HDDC3: variants seen among roughly 807,000 people sequenced by gnomAD.
The protein encoded by HDDC3 is HD domain containing 3, also known as guanosine-3',5'-bis(diphosphate) 3'-pyrophosphohydrolase MESH1.
A neutral mutation model predicts 19.1 loss-of-function variants in HDDC3; 18 were observed. The observed-to-expected ratio is 0.94, with a 90% CI of 0.65 to 1.40. The LOEUF (loss-of-function observed/expected upper bound fraction) is 1.40. Ranked by LOEUF, HDDC3 falls within the 40% of genes most tolerant of loss-of-function variation. The pLI, the probability that HDDC3 is intolerant of heterozygous loss-of-function variation, is 0.00. For missense variants in HDDC3, 250 were observed against 228.9 expected, an observed-to-expected ratio of 1.09 and a Z score of -0.59; for synonymous variants, 107 against 99.4, an observed-to-expected ratio of 1.08 and a Z score of -0.46.
Position 90,931,021 on chromosome 15 carries a change from T to C in HDDC3, c.*254A>G, listed in dbSNP as rs917209688. The C allele has an allele frequency of 8.5e-6, 4 of 468,372 alleles. No individual in the cohort carries two copies. The highest frequency in any genetic ancestry group is 3.5e-5 in the Admixed American group (1 of 28,400). The allele number at this position is 468,372 out of a possible 1,614,324, so 29.0% of individuals were successfully genotyped here. On this transcript the variant is annotated 3_prime_UTR_variant, in exon 4 of 4. Coordinates refer to ENST00000394272, the MANE Select transcript of HDDC3 (RefSeq NM_001286451.2). Reference sequence around the variant, plus strand: ...GGGCCAGAGATCCCACCATGCAAAATAGCAAACAGACCCAAGACTTGGGGA... The same window carrying C: ...GGGCCAGAGATCCCACCATGCAAAACAGCAAACAGACCCAAGACTTGGGGA...
At position 90,932,523 on chromosome 15, in the gene HDDC3, C is replaced by A. The variant is rs953707138; in HGVS notation, c.18G>T (p.Ala6=). The change falls in exon 1 of 4, where the codon GCG becomes GCT. Residue 6 remains alanine (A), a synonymous_variant. Coordinates refer to ENST00000394272, the MANE Select transcript of HDDC3 (RefSeq NM_001286451.2). MGSEA[A]QLLEAADFAA... The stretch of plus-strand genomic sequence containing the variant: ...CGAAGTCGGCAGCCTCCAGCAGCTG[C>A]GCCGCCTCAGAGCCCATCGCGCGGA... 1.0e-5 allele frequency: 13 copies of A among 1,292,454 alleles called. No homozygotes were observed. The African/African-American group carries it at 2.0e-4, about 20-fold the overall frequency. 80.1% of individuals were successfully genotyped at this position (1,292,454 alleles called of 1,614,324 possible). A position where few individuals can be genotyped will look rare whatever the true frequency, so the allele number is the denominator to read the frequency against.
At chr15:90,931,457 C>A in intron 3 of HDDC3, 52 bp from the exon 4 acceptor site, 4 of 1,613,748 alleles carry the variant, frequency 2.5e-6, no homozygotes, top group Non-Finnish European at 3.4e-6. Flanking sequence ...GAAAGCACTG[C>A]CTTTTCCCCA....
In HDDC3 at chr15:90,930,104, T is replaced by A. The variant is rs1185008104; in HGVS notation, c.*1171A>T. The A allele has an allele frequency of 1.3e-5, 2 of 151,358 alleles. No homozygotes were observed. Among genetic ancestry groups the A allele is most frequent in the Non-Finnish European group, 2.9e-5 (2 of 67,822 alleles). 9.4% of individuals were successfully genotyped at this position (151,358 alleles called of 1,614,324 possible). The stretch of plus-strand genomic sequence containing the variant: ...GGCCACCGAGCAAAGTTCCACCGCC[T>A]CCCCTACGCCGACCGCCGGGCTCCC... On this transcript the variant is annotated 3_prime_UTR_variant, in exon 4 of 4. Transcript: ENST00000394272.
In HDDC3 at chr15:90,932,460, G is replaced by T. The variant is rs2035836526; in HGVS notation, c.81C>A (p.Pro27=). ...GGTGGTTGATGTAGGGGGTCCCCTC[G>T]GGGTCCTTCCGCCGCTGCTGCCGGT... ...RKHRQQRRKD[P]EGTPYINHPI... Residue 27 remains proline, a synonymous_variant, in exon 1 of 4, where the codon CCC becomes CCA. Transcript: ENST00000394272. The T allele has an allele frequency of 7.5e-7, 1 of 1,334,734 alleles. No individual in the cohort carries two copies. Among genetic ancestry groups the T allele is most frequent in the East Asian group, 2.9e-5 (1 of 34,358 alleles). The allele number at this position is 1,334,734 out of a possible 1,614,324, so 82.7% of individuals were successfully genotyped here. A position where few individuals can be genotyped will look rare whatever the true frequency, so the allele number is the denominator to read the frequency against.
In HDDC3 at chr15:90,932,430, G is replaced by A; in HGVS notation, c.111C>T (p.Ile37=). Residue 37 remains isoleucine (I), a splice_region_variant and synonymous_variant, in exon 1 of 4, where the codon ATC becomes ATT. Transcript: ENST00000394272. ...GCGCTCCGCGGCCGACGCGCCCACC[G>A]ATGGGGTGGTTGATGTAGGGGGTCC... ...PEGTPYINHP[I]GVARILTHEA... The A allele has an allele frequency of 5.2e-6, 7 of 1,355,706 alleles. No individual in the cohort carries two copies. The highest frequency in any genetic ancestry group is 6.6e-6 in the Non-Finnish European group (7 of 1,054,952). 84.0% of individuals were successfully genotyped at this position (1,355,706 alleles called of 1,614,324 possible).
Position 90,931,927 on chromosome 15 carries a change from G to C in HDDC3, c.186C>G (p.Asp62Glu), listed in dbSNP as rs758657403. 1.9e-6 allele frequency: 3 copies of C among 1,613,942 alleles called. No individual in the cohort carries two copies. Among genetic ancestry groups the C allele is most frequent in the Non-Finnish European group, 2.5e-6 (3 of 1,180,016 alleles). ...IVVLQAALLH[D>E]TVEDTDTTLD... ...GGGTGGTGTCTGTGTCCTCCACCGT[G>C]TCATGGAGCAGGGCCGCCTGGGGAC... Residue 62 changes from aspartate (D) to glutamate (E), a missense_variant, in exon 3 of 4, where the codon GAC becomes GAG. By Grantham distance (45) the Asp-to-Glu change is conservative. Transcript: ENST00000394272.
intron 3 of HDDC3, 35 bp downstream of exon 3, chr15:90,931,669 C>T (rs1422341022): frequency 6.2e-7 from 1 of 1,613,856 alleles, no homozygotes; most frequent in African/African-American, 1.3e-5. Flanking sequence ...CGGCATCCCC[C>T]TCCCTTTTCC....
At chr15:90,932,251 G>T in intron 1 of HDDC3, 141 bp from the exon 2 acceptor site, 2 of 952,544 alleles carry the variant, frequency 2.1e-6, no homozygotes, top group Non-Finnish European at 3.1e-6. Flanking sequence ...CCCTCTGGGA[G>T]CCAACCGACA....
chr15:90,931,316 C>T lies in HDDC3; in HGVS notation c.499G>A (p.Ala167Thr). 1 of 1,551,242 alleles carries T rather than the reference C, an allele frequency of 6.4e-7. No homozygotes were observed. The highest frequency in any genetic ancestry group is 8.7e-7 in the Non-Finnish European group (1 of 1,147,060). ...LQGTNRQLEEALKHLFKQRGL... is the reference protein window; with the variant it reads ...LQGTNRQLEETLKHLFKQRGL... ...CGCTGCTTGAACAGATGCTTTAGAG[C>T]CTCTTCCAGTTGCCGGTTTGTTCCC... The change falls in exon 4 of 4, where the codon GCT (alanine) becomes ACT (threonine). Residue 167 changes from alanine (A) to threonine (T), a missense_variant. Transcript: ENST00000394272.
upstream of HDDC3, chr15:90,932,554 C>T (rs1208888604): frequency 1.6e-6 from 2 of 1,244,108 alleles, no homozygotes; most frequent in Admixed American, 4.1e-5. Flanking sequence ...GCGGATGGGG[C>T]CGACGACTGC....
intron 1 of HDDC3, 101 bp downstream of exon 1, chr15:90,932,328 G>A: frequency 1.2e-6 from 1 of 815,220 alleles, no homozygotes; most frequent in Non-Finnish European, 1.8e-6. Flanking sequence ...ACTAAGCTTG[G>A]GACAAAACAG....
Position 90,932,108 on chromosome 15 carries a change from C to T in HDDC3, c.115G>A (p.Val39Met), listed in dbSNP as rs771775211. The change falls in exon 2 of 4, where the codon GTG becomes ATG. Residue 39 changes from valine (V) to methionine (M), a missense_variant and splice_region_variant. By Grantham distance (21) the Val-to-Met change is conservative (BLOSUM62 1). Transcript: ENST00000394272. ...GCCTCGTGGGTCAGGATCCGTGCCACACCTGACGGGGAGGGGCAAAGCAGG... is the reference window on the plus strand; with the variant it reads ...GCCTCGTGGGTCAGGATCCGTGCCATACCTGACGGGGAGGGGCAAAGCAGG... ...GTPYINHPIG[V>M]ARILTHEAGI... 89 of 1,592,240 alleles carry T rather than the reference C, an allele frequency of 5.6e-5. No homozygotes were observed. Among genetic ancestry groups the T allele is most frequent in the Non-Finnish European group, 7.5e-5 (88 of 1,166,914 alleles).
At chr15:90,932,356 C>A in intron 1 of HDDC3, 73 bp downstream of exon 1, 6 of 936,518 alleles carry the variant, frequency 6.4e-6, no homozygotes, top group Non-Finnish European at 7.4e-6. Context: ...ATGAGGTGCA[C>A]GCCCCCCACG....
Position 90,932,505 on chromosome 15 carries a change from G to A in HDDC3, c.36C>T (p.Ala12=), listed in dbSNP as rs562598170. The A allele has an allele frequency of 2.3e-6, 3 of 1,307,152 alleles. No individual in the cohort carries two copies. In the African/African-American group the frequency reaches 4.6e-5, roughly 20 times the overall value. The allele number at this position is 1,307,152 out of a possible 1,614,324, so 81.0% of individuals were successfully genotyped here. ...GSEAAQLLEA[A]DFAARKHRQQ... is the part of the protein sequence containing the mutation. ...GCCGGTGCTTGCGAGCCGCGAAGTC[G>A]GCAGCCTCCAGCAGCTGCGCCGCCT... The change falls in exon 1 of 4, where the codon GCC becomes GCT. Residue 12 remains alanine, a synonymous_variant. Coordinates refer to ENST00000394272, the MANE Select transcript of HDDC3 (RefSeq NM_001286451.2).
chr15:90,932,208 T>C, intron 1 of HDDC3, 98 bp from the exon 2 acceptor site: 4 of 1,323,998 alleles, frequency 3.0e-6, no homozygotes, highest in Non-Finnish European at 4.1e-6. Context: ...TTGTGGACTC[T>C]GACTAGCTGG....
chr15:90,931,982 C>A, intron 2 of HDDC3, 38 bp from the exon 3 acceptor site: 6 of 1,613,820 alleles, frequency 3.7e-6, no homozygotes, highest in Non-Finnish European at 4.2e-6. Flanking sequence ...AGATGTCAGC[C>A]AAGGGTTGCC....
Position 90,930,995 on chromosome 15 carries a change from G to T in HDDC3, c.*280C>A. 2.4e-6 allele frequency: 1 copy of T among 417,662 alleles called. No individual in the cohort carries two copies. Among genetic ancestry groups the T allele is most frequent in the Non-Finnish European group, 4.4e-6 (1 of 226,780 alleles). The allele number at this position is 417,662 out of a possible 1,614,324, so 25.9% of individuals were successfully genotyped here. ...TACTTAAATAATCTCAAGTCCCTGAGGGGCCAGAGATCCCACCATGCAAAA... is the reference window on the plus strand; with the variant it reads ...TACTTAAATAATCTCAAGTCCCTGATGGGCCAGAGATCCCACCATGCAAAA... On this transcript the variant is annotated 3_prime_UTR_variant, in exon 4 of 4. Coordinates refer to ENST00000394272, the MANE Select transcript of HDDC3 (RefSeq NM_001286451.2).
chr15:90,931,389 T>C lies in HDDC3; in HGVS notation c.426A>G (p.Arg142=). 6.4e-7 allele frequency: 1 copy of C among 1,568,550 alleles called. No individual in the cohort carries two copies. Among genetic ancestry groups the C allele is most frequent in the Non-Finnish European group, 8.7e-7 (1 of 1,155,814 alleles). The change falls in exon 4 of 4, where the codon CGA becomes CGG. Residue 142 remains arginine (R), a synonymous_variant. Transcript: ENST00000394272. ...RCTPEGWSEH[R]VQEYFEWAAQ... ...CTGCCCACTCGAAGTATTCCTGGAC[T>C]CGATGTTCTGACCATCCTGCATAAG...
chr15:90,932,206 T>C (rs759252883), intron 1 of HDDC3, 96 bp from the exon 2 acceptor site: 10 of 1,328,018 alleles, frequency 7.5e-6, no homozygotes, highest in Non-Finnish European at 1.0e-5. Flanking sequence ...CCTTGTGGAC[T>C]CTGACTAGCT....
Sources: gnomAD v4.1 joint callset for allele counts on GRCh38, gnomAD v4.1.1 for gene constraint, MANE v1.5 for transcripts, NCBI Gene and HGNC (gene_info 2026-07-23, HGNC 2026-07-21) for gene names.